Variants in TMEM87A observed in about 807,000 individuals in gnomAD.
The protein encoded by TMEM87A is Golgi-pH regulating cation channel.
Under a neutral mutation model 90.0 loss-of-function variants are expected in TMEM87A, and 50 were observed. The observed-to-expected ratio is 0.56, with a 90% CI of 0.44 to 0.70. The LOEUF (loss-of-function observed/expected upper bound fraction) is 0.70. Among genes scored for constraint, TMEM87A ranks in the 30% least tolerant of loss-of-function variants. The pLI is 0.00. For missense variants in TMEM87A, 577 were observed against 660.5 expected (o/e 0.87, Z 1.39); for synonymous variants, 226 against 226.7 (o/e 1.00, Z 0.03).
At chr15:42,238,306 G>A (rs2140943716) in intron 8 of TMEM87A, among the ~76,000 whole-genome samples, 1 of 152,036 alleles carries the variant, frequency 6.6e-6, no homozygotes, top group East Asian at 1.9e-4. Context: ...GGTGGCTCAT[G>A]CCTGTAATAC....
intron 14 of TMEM87A, 46 bp downstream of exon 14, chr15:42,227,665 T>C (rs991844242): frequency 2.6e-6 from 4 of 1,546,918 alleles, no homozygotes; most frequent in Non-Finnish European, 2.7e-6. Flanking sequence ...ACACCATCAG[T>C]TGTTTATAAG....
In TMEM87A at chr15:42,236,347, A is replaced by G. The variant is rs757696835; in HGVS notation, c.941T>C (p.Ile314Thr). The G allele has an allele frequency of 1.2e-6, 2 of 1,614,138 alleles. No homozygotes were observed. Among genetic ancestry groups the G allele is most frequent in the South Asian group, 1.1e-5 (1 of 91,084 alleles). ...GACGATGCCATATCCCAGACTGACT[A>G]TGATGACCAGGGTTCGAGCCAGTGA... The part of the protein sequence containing the change: ...KRSLARTLVI[I>T]VSLGYGIVKP... The change falls in exon 10 of 20, where the codon ATA becomes ACA. Residue 314 changes from isoleucine to threonine, a missense_variant. Ile to Thr is a moderately conservative substitution (Grantham distance 89). Transcript: ENST00000389834.
At chr15:42,256,604 G>GT (rs1328940150) in intron 6 of TMEM87A, among the ~76,000 whole-genome samples, 27 of 152,300 alleles carry the variant, frequency 1.8e-4, no homozygotes, top group Middle Eastern at 3.4e-3. Context: ...TTTAATCACT[G>GT]TAACAAGACT....
intron 15 of TMEM87A, among the ~76,000 whole-genome samples, chr15:42,222,381 G>C (rs1025840633): frequency 1.3e-5 from 2 of 152,030 alleles, no homozygotes; most frequent in Non-Finnish European, 2.9e-5. Flanking sequence ...AAAAGAGCCA[G>C]GTAGTATGCA....
chr15:42,247,245 T>G (rs2050995255), intron 6 of TMEM87A, among the ~76,000 whole-genome samples: 1 of 152,222 alleles, frequency 6.6e-6, no homozygotes, highest in Non-Finnish European at 1.5e-5. Context: ...GCAGGTTGCC[T>G]GTTCACTCTG....
intron 4 of TMEM87A, among the ~76,000 whole-genome samples, chr15:42,263,275 T>C (rs1275365288): frequency 2.6e-5 from 4 of 152,202 alleles, no homozygotes; most frequent in Non-Finnish European, 4.4e-5. Context: ...AAAAACATTA[T>C]GCTAAGTGGA....
intron 6 of TMEM87A, among the ~76,000 whole-genome samples, chr15:42,248,013 A>G (rs1042497404): frequency 4.9e-4 from 74 of 151,988 alleles, no homozygotes; most frequent in African/African-American, 1.7e-3. Flanking sequence ...TCCCTTTTAA[A>G]TTGGATTCCT....
chr15:42,233,884 C>T (rs1162128980), intron 10 of TMEM87A, among the ~76,000 whole-genome samples: 3 of 152,058 alleles, frequency 2.0e-5, no homozygotes, highest in African/African-American at 7.2e-5. Context: ...ACCCTCCCAC[C>T]TCAGCCTCCC....
At chr15:42,219,998 T>A (rs948279136) in intron 16 of TMEM87A, 64 bp downstream of exon 16, 2 of 1,397,304 alleles carry the variant, frequency 1.4e-6, no homozygotes, top group African/African-American at 2.9e-5. Flanking sequence ...TATAAAATAA[T>A]AAACAATGTA....
intron 10 of TMEM87A, among the ~76,000 whole-genome samples, chr15:42,235,020 A>T (rs2620387): frequency 6.6e-6 from 1 of 152,208 alleles, no homozygotes; most frequent in South Asian, 2.1e-4. Flanking sequence ...GACCAAATCC[A>T]GTCTCATGAC....
At chr15:42,237,694 CT>C (rs66512609) in intron 8 of TMEM87A, 79 bp from the exon 9 acceptor site, 10,576 of 773,056 alleles carry the variant, frequency 0.014, no homozygotes, top group South Asian at 0.026. Flanking sequence ...TCAATATATA[CT>C]TTTTTTTTTT....
At chr15:42,252,824 T>C (rs2051110583) in intron 6 of TMEM87A, among the ~76,000 whole-genome samples, 1 of 152,190 alleles carries the variant, frequency 6.6e-6, no homozygotes, top group Non-Finnish European at 1.5e-5. Flanking sequence ...TTTTTAATCC[T>C]GTAAATATGC....
intron 11 of TMEM87A, among the ~76,000 whole-genome samples, chr15:42,232,521 T>G (rs1172399508): frequency 3.9e-5 from 6 of 152,198 alleles, no homozygotes; most frequent in Non-Finnish European, 7.4e-5. Context: ...TCGCCCAGGC[T>G]GGAGTGCAGT....
chr15:42,253,727 T>C lies in TMEM87A; in HGVS notation c.504+7231A>G, dbSNP rs2051126890. The stretch of plus-strand genomic sequence containing the variant: ...TCTTAATGTAATGTAGCAGCTTCTT[T>C]CTTTGTTGAACTTTTTCCTTATTAA... On this transcript the variant is annotated intron_variant, in intron 6 of 19. Transcript: ENST00000389834. Among the ~76,000 whole-genome samples the C allele has an allele frequency of 4.6e-5, 7 of 152,344 alleles. No individual in the cohort carries two copies. The South Asian group carries it at 1.4e-3, about 32-fold the overall frequency.
intron 15 of TMEM87A, among the ~76,000 whole-genome samples, chr15:42,226,127 G>A (rs1171779041): frequency 6.6e-6 from 1 of 151,950 alleles, no homozygotes; most frequent in Non-Finnish European, 1.5e-5. Context: ...AGTTGCCCAA[G>A]TAGCTGGGAT....
chr15:42,218,829 T>C (rs1022586903), intron 17 of TMEM87A: 1 of 159,018 alleles, frequency 6.3e-6, no homozygotes, highest in African/African-American at 2.4e-5. Flanking sequence ...GACATGCAGG[T>C]TGATTCTGTA....
At chr15:42,215,674 C>G (rs534120939) in intron 19 of TMEM87A, among the ~76,000 whole-genome samples, 100 of 152,138 alleles carry the variant, frequency 6.6e-4, no homozygotes, top group Non-Finnish European at 1.4e-3. Flanking sequence ...CAGAGAAATA[C>G]AAACCAAAAC....
intron 17 of TMEM87A, among the ~76,000 whole-genome samples, chr15:42,218,581 T>C (rs760860298): frequency 3.9e-5 from 6 of 152,190 alleles, no homozygotes; most frequent in East Asian, 1.9e-4. Flanking sequence ...AGTTCTCCCA[T>C]AGCCCCTGGT....
chr15:42,238,951 G>A (rs1461430160), intron 8 of TMEM87A, among the ~76,000 whole-genome samples: 1 of 151,870 alleles, frequency 6.6e-6, no homozygotes, highest in Non-Finnish European at 1.5e-5. Flanking sequence ...AATATATTAA[G>A]GATATTCTGA....
Sources: gnomAD v4.1 joint callset for allele counts (sites outside exome capture counted in the v4.1 genomes callset) on GRCh38, gnomAD v4.1.1 for gene constraint, MANE v1.5 for transcripts, NCBI Gene and HGNC (gene_info 2026-07-23, HGNC 2026-07-21) for gene names.